Variants in TTC28 observed in about 807,000 individuals in gnomAD.
TTC28 encodes tetratricopeptide repeat domain 28.
Under a neutral mutation model 198.0 loss-of-function variants are expected in TTC28, and 61 were observed. That is an observed-to-expected ratio of 0.31 (90% CI 0.25 to 0.38). TTC28 has a LOEUF of 0.38. Among genes scored for constraint, TTC28 ranks in the 10% least tolerant of loss-of-function variants. The pLI, the probability that TTC28 is intolerant of heterozygous loss-of-function variation, is 1.00. For synonymous variants in TTC28, 1,171 were observed against 1,297.8 expected, an observed-to-expected ratio of 0.90 and a Z score of 2.10; for missense variants, 2,678 against 3,164.0, an observed-to-expected ratio of 0.85 and a Z score of 3.69.
At chr22:28,339,457 C>T (rs2045791424) in intron 2 of TTC28, among the ~76,000 whole-genome samples, 2 of 152,166 alleles carry the variant, frequency 1.3e-5, no homozygotes, top group Non-Finnish European at 2.9e-5. Context: ...GGATTCTGCT[C>T]CCTTTTGTTT....
intron 2 of TTC28, among the ~76,000 whole-genome samples, chr22:28,372,859 ACAAATCATTTCCAAACCTAGAAATG>A (rs2046358710): frequency 1.3e-5 from 2 of 152,212 alleles, no homozygotes; most frequent in Non-Finnish European, 2.9e-5. Context: ...ATGACCTTGG[ACAAATCATTTCCAAACCTAGAAATG>A]CCTCCAACAG....
At chr22:28,583,043 A>C (rs1033654639) in intron 2 of TTC28, among the ~76,000 whole-genome samples, 28 of 152,164 alleles carry the variant, frequency 1.8e-4, no homozygotes, top group African/African-American at 6.0e-4. Context: ...GTTCTTCCAT[A>C]GTTACATGAC....
In TTC28 at chr22:28,123,897, T is replaced by A. The variant is rs369547404; in HGVS notation, c.1442-15494A>T. ...ACTCGGGAGGCTGAGGCAGGAGAAT[T>A]GCTTGAACCCGGGAGGCAGAGGTTT... On this transcript the variant is annotated intron_variant, in intron 6 of 22. Coordinates refer to ENST00000397906, the MANE Select transcript of TTC28 (RefSeq NM_001145418.2). Among the ~76,000 whole-genome samples the A allele has an allele frequency of 2.4e-4, 36 of 152,142 alleles. No homozygotes were observed. The East Asian group carries it at 3.9e-3, about 16-fold the overall frequency.
At chr22:28,272,104 T>G (rs1932125177) in intron 5 of TTC28, among the ~76,000 whole-genome samples, 1 of 152,234 alleles carries the variant, frequency 6.6e-6, no homozygotes, top group Non-Finnish European at 1.5e-5. Context: ...GAAAATGGAC[T>G]GATACATATA....
intron 2 of TTC28, among the ~76,000 whole-genome samples, chr22:28,556,944 T>C (rs1489890020): frequency 6.6e-6 from 1 of 152,184 alleles, no homozygotes; most frequent in Non-Finnish European, 1.5e-5. Context: ...GATCCAAGAA[T>C]GGGCAAGGTG....
At chr22:28,364,760 G>A (rs1263167781) in intron 2 of TTC28, among the ~76,000 whole-genome samples, 1 of 152,218 alleles carries the variant, frequency 6.6e-6, no homozygotes, top group Non-Finnish European at 1.5e-5. Context: ...GTGAAGATGT[G>A]ACTAAATTGC....
chr22:28,116,135 C>T (rs925849376), intron 6 of TTC28, among the ~76,000 whole-genome samples: 10 of 152,164 alleles, frequency 6.6e-5, no homozygotes, highest in African/African-American at 2.4e-4. Context: ...GGGTCAGTTC[C>T]TCTTCAGTCC....
At chr22:28,597,137 T>C (rs970194311) in intron 2 of TTC28, among the ~76,000 whole-genome samples, 1 of 152,226 alleles carries the variant, frequency 6.6e-6, no homozygotes, top group African/African-American at 2.4e-5. Flanking sequence ...ACATTTGTTG[T>C]ATTAGTTTGT....
In TTC28 at chr22:28,107,145, A is replaced by G; in HGVS notation, c.2700T>C (p.Tyr900=). 6.4e-7 allele frequency: 1 copy of G among 1,551,676 alleles called. No homozygotes were observed. The highest frequency in any genetic ancestry group is 8.7e-7 in the Non-Finnish European group (1 of 1,146,990). ...LGDYEEAIKY[Y]EQYLSVAQSL... is the part of the protein sequence containing the mutation. ...TCTGCGCGACAGATAAATATTGTTC[A>G]TAGTATTTGATAGCTTCCTCATAGT... Residue 900 remains tyrosine (Y), a synonymous_variant, in exon 7 of 23, where the codon TAT becomes TAC. Transcript: ENST00000397906.
chr22:28,169,605 G>A (rs1001739571), intron 5 of TTC28, among the ~76,000 whole-genome samples: 1 of 152,086 alleles, frequency 6.6e-6, no homozygotes, highest in Non-Finnish European at 1.5e-5. Context: ...TCACTCATAG[G>A]TGGGAACTGA....
chr22:28,559,575 T>A (rs2049838421), intron 2 of TTC28, among the ~76,000 whole-genome samples: 1 of 152,182 alleles, frequency 6.6e-6, no homozygotes, highest in Non-Finnish European at 1.5e-5. Flanking sequence ...AGCAACAGCA[T>A]CTATTTCCCC....
rs1160464732 is a variant in TTC28 at position 27,978,751 on chromosome 22, TAAAA to T, written c.*3466_*3469del. On this transcript the variant is annotated 3_prime_UTR_variant, in exon 23 of 23. Transcript: ENST00000397906. ...TTTTCTCTTGATATTTTGACTTAATTAAAAAAATCAAATTAGTTGAGTCATTTAC... is the reference window on the plus strand; with the variant it reads ...TTTTCTCTTGATATTTTGACTTAATTAAATCAAATTAGTTGAGTCATTTAC... 1 of 152,222 alleles carries T rather than the reference TAAAA, an allele frequency of 6.6e-6. No individual in the cohort carries two copies. Among genetic ancestry groups the T allele is most frequent in the African/African-American group, 2.4e-5 (1 of 41,450 alleles). 9.4% of individuals were successfully genotyped at this position (152,222 alleles called of 1,614,324 possible).
At chr22:28,099,180 T>G in intron 9 of TTC28, 136 bp from the exon 10 acceptor site, 2 of 1,237,064 alleles carry the variant, frequency 1.6e-6, no homozygotes, top group Non-Finnish European at 2.2e-6. Flanking sequence ...AAGAGTCTGA[T>G]GTCCAGGTGT....
chr22:28,265,415 A>G (rs539050173), intron 5 of TTC28, among the ~76,000 whole-genome samples: 39 of 152,310 alleles, frequency 2.6e-4, no homozygotes, highest in African/African-American at 9.4e-4. Flanking sequence ...CAGACCACCA[A>G]CGGAAATGTT....
chr22:28,425,949 G>A (rs1209897298), intron 2 of TTC28, among the ~76,000 whole-genome samples: 2 of 152,140 alleles, frequency 1.3e-5, no homozygotes, highest in Non-Finnish European at 2.9e-5. Flanking sequence ...GGTGGCTCAC[G>A]CCCGTAACCC....
chr22:28,267,912 C>T (rs1012894970), intron 5 of TTC28, among the ~76,000 whole-genome samples: 3 of 152,158 alleles, frequency 2.0e-5, no homozygotes, highest in East Asian at 1.9e-4. Context: ...TTCGGGACTA[C>T]GACTGGTCAG....
intron 2 of TTC28, among the ~76,000 whole-genome samples, chr22:28,452,367 G>A (rs1276554566): frequency 1.6e-5 from 2 of 126,618 alleles, no homozygotes; most frequent in African/African-American, 6.1e-5. Flanking sequence ...TCCAGCCTGG[G>A]CAACAGAGCG....
At chr22:28,401,242 G>C (rs568433957) in intron 2 of TTC28, among the ~76,000 whole-genome samples, 16 of 151,912 alleles carry the variant, frequency 1.1e-4, no homozygotes, top group Non-Finnish European at 2.2e-4. Flanking sequence ...TGACGACGAC[G>C]ACGACGACAA....
At chr22:28,475,251 G>A (rs1005918801) in intron 2 of TTC28, among the ~76,000 whole-genome samples, 1 of 151,792 alleles carries the variant, frequency 6.6e-6, no homozygotes, top group Non-Finnish European at 1.5e-5. Context: ...TCAGGGCTGC[G>A]GGTGGCCAGA....
Sources: gnomAD v4.1 joint callset for allele counts (sites outside exome capture counted in the v4.1 genomes callset) on GRCh38, gnomAD v4.1.1 for gene constraint, MANE v1.5 for transcripts, NCBI Gene and HGNC (gene_info 2026-07-23, HGNC 2026-07-21) for gene names.